GNB5: variants seen among roughly 807,000 people sequenced by gnomAD.
GNB5 encodes guanine nucleotide-binding protein subunit beta-5.
GNB5 carries 37 observed loss-of-function variants against 55.3 expected under a neutral mutation model. The ratio of observed to expected loss-of-function variants is 0.67; its 90% CI spans 0.51 to 0.88. The LOEUF (loss-of-function observed/expected upper bound fraction) is 0.88. GNB5 is among the 40% of genes least tolerant of loss of function. The probability of loss-of-function intolerance (pLI) is 0.00; values close to 1 mark genes in which losing one functional copy is unlikely to be tolerated. For missense variants in GNB5, 476 were observed against 515.3 expected (o/e 0.92, Z 0.74); for synonymous variants, 219 against 198.5 (o/e 1.10, Z -0.87).
intron 3 of GNB5, among the ~76,000 whole-genome samples, chr15:52,156,412 T>C (rs2034208516): frequency 6.6e-6 from 1 of 152,168 alleles, no homozygotes; most frequent in Admixed American, 6.5e-5. Context: ...CTAAAAGTCT[T>C]TGTGAAAACT....
intron 7 of GNB5, chr15:52,140,011 T>G (rs1380957520): frequency 8.5e-7 from 1 of 1,181,962 alleles, no homozygotes; most frequent in Non-Finnish European, 1.1e-6. Context: ...CACCAGTCAG[T>G]GGCCACAGCG....
chr15:52,161,800 C>A (rs1453640078), intron 3 of GNB5, among the ~76,000 whole-genome samples: 2 of 152,228 alleles, frequency 1.3e-5, no homozygotes, highest in Non-Finnish European at 2.9e-5. Flanking sequence ...GCGTGCCAGA[C>A]TGAACATGAT....
rs2141212782 is a variant in GNB5, at chr15:52,151,850, A to C, written c.376-1925T>G. Among the ~76,000 whole-genome samples, 2 of 152,224 alleles carry C rather than the reference A, an allele frequency of 1.3e-5. 1 individual carries two copies. The highest frequency in any genetic ancestry group is 4.1e-4 in the South Asian group (2 of 4,830). ...GCAGGGCAAGGTGGCTCACATCTAT[A>C]ATCTCAGTGCTTTCAGAGGCTGAGG... On this transcript the variant is annotated intron_variant, in intron 4 of 12. Coordinates refer to ENST00000261837, the MANE Select transcript of GNB5 (RefSeq NM_016194.4).
intron 2 of GNB5, among the ~76,000 whole-genome samples, chr15:52,181,948 T>G (rs2034778052): frequency 6.6e-6 from 1 of 152,022 alleles, no homozygotes. Context: ...AATTATTAAG[T>G]ATAAGATAAG....
intron 8 of GNB5, 28 bp downstream of exon 8, chr15:52,135,585 C>T: frequency 6.2e-7 from 1 of 1,604,854 alleles, no homozygotes; most frequent in Non-Finnish European, 8.5e-7. Flanking sequence ...GACACAGGAG[C>T]CCTAGGGAAT....
chr15:52,179,963 C>T, intron 2 of GNB5, 84 bp from the exon 3 acceptor site: 6 of 1,387,214 alleles, frequency 4.3e-6, no homozygotes, highest in South Asian at 1.5e-5. Flanking sequence ...CAGCCGTCCC[C>T]GGCCCCGAGC....
chr15:52,164,628 AAAAT>A (rs765776384), intron 3 of GNB5, among the ~76,000 whole-genome samples: 1 of 152,050 alleles, frequency 6.6e-6, no homozygotes, highest in Non-Finnish European at 1.5e-5. Context: ...ACTCCATCTC[AAAAT>A]AAATAAATAA....
rs1259803863 is a variant in GNB5 at position 52,124,654 on chromosome 15, AGAT to A, written c.1010-18_1010-16del. 6 of 1,610,252 alleles carry A rather than the reference AGAT, an allele frequency of 3.7e-6. No homozygotes were observed. The highest frequency in any genetic ancestry group is 5.1e-6 in the Non-Finnish European group (6 of 1,177,314). ...CAGCAGGCGACCTTGAAGCAGGGTGAGATGATAGCTGTTAAGCCAGTTCCTTGC... is the reference window on the plus strand; with the variant it reads ...CAGCAGGCGACCTTGAAGCAGGGTGAGATAGCTGTTAAGCCAGTTCCTTGC... On this transcript the variant is annotated splice_polypyrimidine_tract_variant and intron_variant, in intron 11 of 12. Transcript: ENST00000261837.
chr15:52,152,422 C>G (rs1333847065), intron 4 of GNB5, among the ~76,000 whole-genome samples: 1 of 151,590 alleles, frequency 6.6e-6, no homozygotes, highest in Non-Finnish European at 1.5e-5. Flanking sequence ...CTCCTAGGTT[C>G]AAGCGATTCT....
Position 52,118,367 on chromosome 15 carries a change from TTTTTG to T in GNB5, c.*4385_*4389del, listed in dbSNP as rs2033185582. 1 of 152,148 alleles carries T rather than the reference TTTTTG, an allele frequency of 6.6e-6. No individual in the cohort carries two copies. 9.4% of individuals were successfully genotyped at this position (152,148 alleles called of 1,614,324 possible). A position where few individuals can be genotyped will look rare whatever the true frequency, so the allele number is the denominator to read the frequency against. On this transcript the variant is annotated 3_prime_UTR_variant, in exon 13 of 13. Coordinates refer to ENST00000261837, the MANE Select transcript of GNB5 (RefSeq NM_016194.4). ...TTCATAATAATATTGACACTTTTTTTTTTTGTATGGGTGATTTTTTTATTTTCATC... is the reference window on the plus strand; with the variant it reads ...TTCATAATAATATTGACACTTTTTTTTATGGGTGATTTTTTTATTTTCATC...
chr15:52,164,373 C>G (rs1005434163), intron 3 of GNB5, among the ~76,000 whole-genome samples: 22 of 145,158 alleles, frequency 1.5e-4, no homozygotes, highest in African/African-American at 5.6e-4. Flanking sequence ...AATCCCAGCA[C>G]TTTGGGAGGC....
At chr15:52,154,153 A>C (rs1389706082) in intron 3 of GNB5, 77 bp from the exon 4 acceptor site, 8 of 1,427,062 alleles carry the variant, frequency 5.6e-6, no homozygotes, top group Non-Finnish European at 7.6e-6. Context: ...GCACAGACAT[A>C]TGTTCCGCAG....
At position 52,120,126 on chromosome 15, in the gene GNB5, C is replaced by G. The variant is rs759394307; in HGVS notation, c.*2631G>C. The G allele has an allele frequency of 6.6e-5, 10 of 151,918 alleles. No individual in the cohort carries two copies. The highest frequency in any genetic ancestry group is 2.9e-5 in the Non-Finnish European group (2 of 68,054). 9.4% of individuals were successfully genotyped at this position (151,918 alleles called of 1,614,324 possible). A position where few individuals can be genotyped will look rare whatever the true frequency, so the allele number is the denominator to read the frequency against. Reference sequence around the variant, plus strand: ...CTGCCTGAACTTTCTTTTTTCTGGCCCAGGAGGGGGCTGCCCAAGGCTCTA... The same window carrying G: ...CTGCCTGAACTTTCTTTTTTCTGGCGCAGGAGGGGGCTGCCCAAGGCTCTA... On this transcript the variant is annotated 3_prime_UTR_variant, in exon 13 of 13. Transcript: ENST00000261837.
intron 9 of GNB5, chr15:52,128,758 A>G (rs1220382758): frequency 4.4e-6 from 2 of 456,626 alleles, no homozygotes; most frequent in Non-Finnish European, 8.8e-6. Flanking sequence ...CAGTCCATGC[A>G]AAGAATCTGG....
At chr15:52,125,550 G>A (rs147948408) in intron 11 of GNB5, 3,319 of 156,932 alleles carry the variant, frequency 0.021, 115 homozygotes, top group African/African-American at 0.076. Context: ...CAAAGTGCTG[G>A]GATTACAGGC....
intron 4 of GNB5, among the ~76,000 whole-genome samples, chr15:52,152,824 G>A (rs994940654): frequency 2.0e-5 from 3 of 151,572 alleles, no homozygotes; most frequent in Non-Finnish European, 2.9e-5. Context: ...TTATAAAGAC[G>A]AGGTCTCACC....
At chr15:52,184,846 C>G (rs1418573237) in intron 1 of GNB5, among the ~76,000 whole-genome samples, 152 bp from the exon 2 acceptor site, 1 of 152,192 alleles carries the variant, frequency 6.6e-6, no homozygotes, top group Admixed American at 6.5e-5. Flanking sequence ...TCAACTATTA[C>G]AACATGCTGG....
At chr15:52,128,504 T>C (rs755074003) in intron 9 of GNB5, 78 of 621,440 alleles carry the variant, frequency 1.3e-4, no homozygotes, top group Non-Finnish European at 1.9e-4. Flanking sequence ...GTAGACCCCC[T>C]ATAAATATAG....
intron 11 of GNB5, 27 bp downstream of exon 11, chr15:52,125,921 G>A (rs1237216977): frequency 1.1e-6 from 1 of 948,408 alleles, no homozygotes; most frequent in Admixed American, 1.9e-5. Context: ...TACAGTCCTG[G>A]GAAAAGTTTC....
Sources: allele counts gnomAD v4.1 joint callset (sites outside exome capture counted in the v4.1 genomes callset), GRCh38; gene constraint gnomAD v4.1.1; transcripts MANE v1.5; gene names NCBI Gene and HGNC (gene_info 2026-07-23, HGNC 2026-07-21).